Variants in CALCR observed in about 807,000 individuals in gnomAD.
CALCR encodes calcitonin receptor.
In CALCR, 47 loss-of-function variants were observed where a neutral mutation model predicts 59.5. The observed-to-expected ratio is 0.79, with a 90% CI of 0.63 to 1.01. The LOEUF is 1.01. Ranked by LOEUF, CALCR falls within the 50% of genes least tolerant of loss-of-function variation. The pLI is 0.00. For synonymous variants in CALCR, 213 were observed against 211.3 expected (o/e 1.01, Z -0.07); for missense variants, 566 against 597.1 (o/e 0.95, Z 0.54).
Position 93,510,166 on chromosome 7 carries a change from C to T in CALCR, c.-26-23159G>A, listed in dbSNP as rs72615124. Reference sequence around the variant, plus strand: ...AACTCAGAGTAGAGTGGTGGGTACTCGATAATTACTTACATTGATTATATA... The same window carrying T: ...AACTCAGAGTAGAGTGGTGGGTACTTGATAATTACTTACATTGATTATATA... On this transcript the variant is annotated intron_variant, in intron 2 of 13. Transcript: ENST00000426151. Among the ~76,000 whole-genome samples, 1,187 of 151,828 alleles carry T rather than the reference C, an allele frequency of 7.8e-3. 34 individuals carry two copies. The East Asian group carries it at 0.09, about 11-fold the overall frequency.
intron 8 of CALCR, among the ~76,000 whole-genome samples, chr7:93,455,198 T>C (rs2299248): frequency 0.46 from 70,442 of 151,726 alleles, 16,581 homozygotes; most frequent in South Asian, 0.56. Context: ...TGCTTAAGAA[T>C]AAACTGTCTT....
At chr7:93,482,884 A>C (rs967196450) in intron 3 of CALCR, 2 of 532,072 alleles carry the variant, frequency 3.8e-6, no homozygotes, top group Non-Finnish European at 7.7e-6. Flanking sequence ...TCAGATGAGC[A>C]GTAATAATCT....
At chr7:93,566,327 C>T (rs1789862757) in intron 2 of CALCR, among the ~76,000 whole-genome samples, 1 of 151,976 alleles carries the variant, frequency 6.6e-6, no homozygotes, top group African/African-American at 2.4e-5. Flanking sequence ...TGATCCTGAA[C>T]TATTCCAGGT....
At chr7:93,485,665 A>G (rs1319965288) in intron 3 of CALCR, among the ~76,000 whole-genome samples, 2 of 151,642 alleles carry the variant, frequency 1.3e-5, no homozygotes, top group African/African-American at 4.8e-5. Flanking sequence ...ATTTACTGGC[A>G]AATTAAAATA....
chr7:93,509,172 C>T (rs1801493129), intron 2 of CALCR, among the ~76,000 whole-genome samples: 1 of 152,040 alleles, frequency 6.6e-6, no homozygotes, highest in African/African-American at 2.4e-5. Context: ...AGAGAGGGAT[C>T]CCGTAAGATT....
At chr7:93,466,046 T>C (rs1444064227) in intron 7 of CALCR, among the ~76,000 whole-genome samples, 2 of 151,842 alleles carry the variant, frequency 1.3e-5, no homozygotes, top group African/African-American at 2.4e-5. Context: ...TGATTGTGAA[T>C]GGGGCGTCAG....
chr7:93,495,928 G>C (rs1472368838), intron 2 of CALCR: 4 of 1,529,090 alleles, frequency 2.6e-6, no homozygotes, highest in Non-Finnish European at 3.5e-6. Flanking sequence ...CCAGAAAATT[G>C]CATCCTGGGG....
chr7:93,528,996 C>T (rs17165540), intron 2 of CALCR, among the ~76,000 whole-genome samples: 3,119 of 152,092 alleles, frequency 0.021, 116 homozygotes, highest in African/African-American at 0.07. Flanking sequence ...TATGATTACA[C>T]GAAAATGAGT....
intron 2 of CALCR, among the ~76,000 whole-genome samples, chr7:93,543,983 CAA>C (rs1257827101): frequency 6.6e-6 from 1 of 151,474 alleles, no homozygotes. Flanking sequence ...TAAAAGTAAA[CAA>C]GACATAAACT....
At chr7:93,429,946 T>G (rs1192602108) in intron 13 of CALCR, among the ~76,000 whole-genome samples, 1 of 145,372 alleles carries the variant, frequency 6.9e-6, no homozygotes, top group African/African-American at 2.6e-5. Context: ...TTTTTTGTTT[T>G]TTTTTGAGAC....
chr7:93,437,383 TAA>T (rs1480949750), intron 11 of CALCR, among the ~76,000 whole-genome samples: 1 of 152,208 alleles, frequency 6.6e-6, no homozygotes, highest in Non-Finnish European at 1.5e-5. Flanking sequence ...GGAGCAGTAC[TAA>T]GTTTTAATGA....
At chr7:93,451,092 T>A (rs1488666438) in intron 8 of CALCR, among the ~76,000 whole-genome samples, 1 of 151,972 alleles carries the variant, frequency 6.6e-6, no homozygotes, top group Non-Finnish European at 1.5e-5. Context: ...TTTCTGGTCT[T>A]GAGATAATCC....
chr7:93,552,530 C>A (rs1029358372), intron 2 of CALCR, among the ~76,000 whole-genome samples: 1 of 152,036 alleles, frequency 6.6e-6, no homozygotes, highest in African/African-American at 2.4e-5. Context: ...CATTGATAGG[C>A]TATATTTTAT....
chr7:93,477,063 G>C (rs2115876691), intron 5 of CALCR, among the ~76,000 whole-genome samples: 1 of 151,850 alleles, frequency 6.6e-6, no homozygotes, highest in African/African-American at 2.4e-5. Context: ...TTGTTTCAGG[G>C]GTAGACTCAT....
chr7:93,540,391 T>C (rs6949368), intron 2 of CALCR, among the ~76,000 whole-genome samples: 101,850 of 152,036 alleles, frequency 0.67, 35,448 homozygotes, highest in African/African-American at 0.87. Flanking sequence ...ATTTTAAATA[T>C]ATGGTACCAT....
At chr7:93,521,175 C>T (rs1303372853) in intron 2 of CALCR, among the ~76,000 whole-genome samples, 1 of 152,082 alleles carries the variant, frequency 6.6e-6, no homozygotes, top group Non-Finnish European at 1.5e-5. Context: ...ACTATAAGTT[C>T]TAGTACCTCA....
intron 2 of CALCR, among the ~76,000 whole-genome samples, chr7:93,488,806 A>G (rs1801008635): frequency 6.6e-6 from 1 of 151,686 alleles, no homozygotes; most frequent in Admixed American, 6.6e-5. Context: ...CTCCCACACA[A>G]TAATAGTGGG....
At chr7:93,428,448 G>A (rs1799577737) in intron 13 of CALCR, among the ~76,000 whole-genome samples, 1 of 152,198 alleles carries the variant, frequency 6.6e-6, no homozygotes, top group African/African-American at 2.4e-5. Flanking sequence ...ATGCCCCATT[G>A]AGAAACTGGG....
chr7:93,447,151 G>A (rs1333090330), intron 8 of CALCR, among the ~76,000 whole-genome samples: 1 of 151,898 alleles, frequency 6.6e-6, no homozygotes, highest in Non-Finnish European at 1.5e-5. Context: ...TTTTAATTGG[G>A]TACACTATTT....
Sources: allele counts gnomAD v4.1 joint callset (sites outside exome capture counted in the v4.1 genomes callset), GRCh38; gene constraint gnomAD v4.1.1; transcripts MANE v1.5; gene names NCBI Gene and HGNC (gene_info 2026-07-23, HGNC 2026-07-21).